FBLIM1: variants seen among roughly 807,000 people sequenced by gnomAD.
The protein encoded by FBLIM1 is filamin-binding LIM protein 1.
In FBLIM1, 29 loss-of-function variants were observed where a neutral mutation model predicts 37.4. That is an observed-to-expected ratio of 0.77 (90% CI 0.58 to 1.06). FBLIM1 has a LOEUF of 1.06. Among genes scored for constraint, FBLIM1 ranks in the 50% least tolerant of loss-of-function variants. The pLI, the probability that FBLIM1 is intolerant of heterozygous loss-of-function variation, is 0.00. For synonymous variants in FBLIM1, 193 were observed against 199.0 expected (o/e 0.97, Z 0.25); for missense variants, 449 against 505.6 (o/e 0.89, Z 1.07).
intron 5 of FBLIM1, among the ~76,000 whole-genome samples, chr1:15,770,150 T>C (rs1486271521): frequency 1.3e-5 from 2 of 151,888 alleles, no homozygotes; most frequent in Non-Finnish European, 2.9e-5. Flanking sequence ...TTTCACCATG[T>C]TGGCCAGGCT....
chr1:15,769,923 G>A (rs373765098), intron 5 of FBLIM1, among the ~76,000 whole-genome samples: 11 of 149,380 alleles, frequency 7.4e-5, no homozygotes, highest in South Asian at 2.2e-4. Context: ...GTGAGCCACC[G>A]CGCCGGGCTC....
intron 8 of FBLIM1, among the ~76,000 whole-genome samples, chr1:15,778,179 G>A (rs964063538): frequency 6.6e-6 from 1 of 152,114 alleles, no homozygotes; most frequent in African/African-American, 2.4e-5. Context: ...TAAAAAAGGA[G>A]GGGTTGTTAC....
intron 1 of FBLIM1, among the ~76,000 whole-genome samples, chr1:15,763,408 G>A (rs570046252): frequency 9.2e-5 from 14 of 151,630 alleles, no homozygotes; most frequent in South Asian, 2.1e-4. Context: ...TGAGGTGGGC[G>A]GATCACGAGG....
At position 15,765,882 on chromosome 1, in the gene FBLIM1, C is replaced by T. The variant is rs2068891586; in HGVS notation, c.250+649C>T. ...AGCCTATGGGCCCTGCACCGGGAGGCAGGCACTGGGAGAGGCCACAGCACT... is the reference window on the plus strand; with the variant it reads ...AGCCTATGGGCCCTGCACCGGGAGGTAGGCACTGGGAGAGGCCACAGCACT... On this transcript the variant is annotated intron_variant, in intron 3 of 8. Transcript: ENST00000375766. The surrounding 1 kb of genome is among the most constrained non-coding windows in gnomAD (Gnocchi z 5.9). 6.6e-6 allele frequency among the ~76,000 whole-genome samples: 1 copy of T among 152,200 alleles called. No homozygotes were observed. The highest frequency in any genetic ancestry group is 2.4e-5 in the African/African-American group (1 of 41,454).
intron 4 of FBLIM1, 114 bp from the exon 5 acceptor site, chr1:15,768,414 G>A: frequency 1.5e-6 from 1 of 646,452 alleles, no homozygotes; most frequent in Non-Finnish European, 2.4e-6. Flanking sequence ...CTGGGCCTTG[G>A]TTTCCTTCTC....
chr1:15,770,729 A>G, intron 6 of FBLIM1, 151 bp downstream of exon 6: 1 of 988,394 alleles, frequency 1.0e-6, no homozygotes, highest in Non-Finnish European at 1.5e-6. Flanking sequence ...GAAGGAGCCC[A>G]GTGAAGGCGA....
intron 6 of FBLIM1, among the ~76,000 whole-genome samples, chr1:15,772,320 C>T (rs1046802874): frequency 6.6e-6 from 1 of 152,146 alleles, no homozygotes; most frequent in African/African-American, 2.4e-5. Context: ...CTGCCGTGTC[C>T]CTGTGACCCC....
At chr1:15,781,741 C>T (rs183829622) in intron 8 of FBLIM1, among the ~76,000 whole-genome samples, 2,550 of 114,700 alleles carry the variant, frequency 0.022, 27 homozygotes, top group Non-Finnish European at 0.026. Flanking sequence ...TTTTTTGAGA[C>T]GGAGTCTCGC....
intron 6 of FBLIM1, among the ~76,000 whole-genome samples, chr1:15,772,291 G>C (rs370728273): frequency 6.6e-6 from 1 of 152,196 alleles, no homozygotes; most frequent in Non-Finnish European, 1.5e-5. Flanking sequence ...TGTGGGAAGA[G>C]AGAGGAGCCA....
At chr1:15,775,133 TGG>T in intron 7 of FBLIM1, 1 of 378,196 alleles carries the variant, frequency 2.6e-6, no homozygotes, top group Non-Finnish European at 4.7e-6. Context: ...GGCAGGAGAA[TGG>T]CGTGAACCTG....
At chr1:15,776,937 C>T (rs1440379988) in intron 7 of FBLIM1, 7 of 454,662 alleles carry the variant, frequency 1.5e-5, no homozygotes, top group African/African-American at 4.0e-5. Context: ...CCCAGCCCCA[C>T]TGAACACAGT....
At chr1:15,773,679 C>T (rs1569838308) in intron 6 of FBLIM1, among the ~76,000 whole-genome samples, 1 of 64,082 alleles carries the variant, frequency 1.6e-5, no homozygotes, top group Non-Finnish European at 3.2e-5. Flanking sequence ...AACTCCGTCT[C>T]AGAAAAAAAA....
At position 15,784,648 on chromosome 1, in the gene FBLIM1, C is replaced by T. The variant is rs1262675568; in HGVS notation, c.1109C>T (p.Ala370Val). ...CKPCHVKRSA[A>V]GCC ...CCATGCCATGTGAAGCGGAGTGCTG[C>T]GGGGTGCTGCTGAGAGTGCCCGCTG... The change falls in exon 9 of 9, where the codon GCG becomes GTG. Residue 370 changes from alanine to valine, a missense_variant. Transcript: ENST00000375766. 6 of 1,613,914 alleles carry T rather than the reference C, an allele frequency of 3.7e-6. No individual in the cohort carries two copies. The highest frequency in any genetic ancestry group is 1.3e-5 in the African/African-American group (1 of 74,942).
chr1:15,774,954 C>T (rs1206728684), intron 7 of FBLIM1, 158 bp downstream of exon 7: 7 of 1,495,714 alleles, frequency 4.7e-6, no homozygotes, highest in East Asian at 2.5e-5. Context: ...CGCGGTGGCT[C>T]ACGCCTGTAA....
chr1:15,770,766 G>GATC lies in FBLIM1; in HGVS notation c.711+190_711+192dup, dbSNP rs561707005. 2.2e-3 allele frequency among the ~76,000 whole-genome samples: 340 copies of GATC among 152,308 alleles called. 4 individuals are homozygous for GATC. Among genetic ancestry groups the GATC allele is most frequent in the African/African-American group, 7.8e-3 (324 of 41,576 alleles). ...TGGTTTCCTAGGGCTGCCTGTAAGAGATCACCACAACCTTCGTGGCTTCCA... is the reference window on the plus strand; with the variant it reads ...TGGTTTCCTAGGGCTGCCTGTAAGAGATCATCACCACAACCTTCGTGGCTTCCA... On this transcript the variant is annotated intron_variant, in intron 6 of 8. Transcript: ENST00000375766.
upstream of FBLIM1, among the ~76,000 whole-genome samples, chr1:15,757,660 G>A (rs977508449): frequency 3.3e-5 from 5 of 152,150 alleles, no homozygotes; most frequent in Non-Finnish European, 5.9e-5. The surrounding 1 kb of genome is among the most constrained non-coding windows in gnomAD (Gnocchi z 4.1). Context: ...GTTGCAGGAC[G>A]GGCCAGATCC....
In FBLIM1 at chr1:15,765,043, G is replaced by A. The variant is rs759483999; in HGVS notation, c.60G>A (p.Pro20=). 1.2e-5 allele frequency: 19 copies of A among 1,613,978 alleles called. No individual in the cohort carries two copies. The highest frequency in any genetic ancestry group is 8.9e-5 in the East Asian group (4 of 44,872). ...ASSVFITLAP[P]RRDVAVAEEV... ...CTGTCTTTATCACCCTGGCACCCCC[G>A]CGCCGCGATGTGGCCGTGGCGGAGG... The change falls in exon 3 of 9, where the codon CCG becomes CCA. Residue 20 remains proline, a synonymous_variant. Transcript: ENST00000375766. This position sits in a 1 kb window ranked among gnomAD's most constrained non-coding sequence, Gnocchi z 5.9.
chr1:15,782,977 G>A (rs947447002), intron 8 of FBLIM1, among the ~76,000 whole-genome samples: 8 of 152,010 alleles, frequency 5.3e-5, no homozygotes, highest in African/African-American at 1.9e-4. Context: ...TATATTTTTA[G>A]TAGAGACGGG....
rs1479347693 is a variant in FBLIM1 at position 15,765,618 on chromosome 1, T to C, written c.250+385T>C. Reference sequence around the variant, plus strand: ...CAGTCTCCCTGAAGTGAGATAAGTTTTAGGTGACCAGCTTGGTCATGCGCC... The same window carrying C: ...CAGTCTCCCTGAAGTGAGATAAGTTCTAGGTGACCAGCTTGGTCATGCGCC... On this transcript the variant is annotated intron_variant, in intron 3 of 8. Transcript: ENST00000375766. The surrounding 1 kb of genome is among the most constrained non-coding windows in gnomAD (Gnocchi z 5.9). Among the ~76,000 whole-genome samples, 1 of 151,998 alleles carries C rather than the reference T, an allele frequency of 6.6e-6. No individual in the cohort carries two copies. The highest frequency in any genetic ancestry group is 1.5e-5 in the Non-Finnish European group (1 of 67,992).
Sources: allele counts gnomAD v4.1 joint callset (sites outside exome capture counted in the v4.1 genomes callset), GRCh38; gene constraint gnomAD v4.1.1; non-coding constraint Gnocchi (gnomAD v3.1); transcripts MANE v1.5; gene names NCBI Gene and HGNC (gene_info 2026-07-23, HGNC 2026-07-21).